ADGRV1: variants seen among roughly 807,000 people sequenced by gnomAD.
The protein encoded by ADGRV1 is adhesion G protein-coupled receptor V1.
A neutral mutation model predicts 596.2 loss-of-function variants in ADGRV1; 359 were observed. That is an observed-to-expected ratio of 0.60 (90% CI 0.55 to 0.66). ADGRV1 has a LOEUF of 0.66. ADGRV1 is among the 30% of genes least tolerant of loss of function. The pLI is 0.00. For synonymous variants in ADGRV1, 2,681 were observed against 2,679.2 expected, an observed-to-expected ratio of 1.00 and a Z score of -0.02; for missense variants, 7,274 against 7,575.6, an observed-to-expected ratio of 0.96 and a Z score of 1.48.
intron 83 of ADGRV1, among the ~76,000 whole-genome samples, chr5:90,933,588 G>C (rs919148314): frequency 6.6e-6 from 1 of 152,188 alleles, no homozygotes; most frequent in African/African-American, 2.4e-5. Context: ...AAAGTCACTG[G>C]CAGGGTTTGT....
intron 33 of ADGRV1, among the ~76,000 whole-genome samples, chr5:90,696,388 G>A (rs1410900720): frequency 6.6e-6 from 1 of 151,986 alleles, no homozygotes; most frequent in Non-Finnish European, 1.5e-5. Flanking sequence ...TCATCTCATC[G>A]AGTTACTCAA....
At chr5:90,770,434 A>G (rs1757571350) in intron 59 of ADGRV1, among the ~76,000 whole-genome samples, 1 of 152,120 alleles carries the variant, frequency 6.6e-6, no homozygotes, top group African/African-American at 2.4e-5. Flanking sequence ...ACTTCTTGTT[A>G]TTTAGGTTCA....
At position 90,705,465 on chromosome 5, in the gene ADGRV1, G is replaced by A; in HGVS notation, c.8452G>A (p.Ala2818Thr). Reference protein sequence around the residue: ...QGYAAVLTVEASDEPHGVLNF... With the variant: ...QGYAAVLTVETSDEPHGVLNF... ...ATATGCAGCTGTCCTCACAGTAGAA[G>A]CCAGTGATGAACCACATGGAGTTTT... is the stretch of plus-strand genomic sequence containing the variant. Residue 2818 changes from alanine (A) to threonine (T), a missense_variant, in exon 37 of 90, where the codon GCC becomes ACC. Physicochemically the swap from Ala to Thr is moderately conservative, Grantham distance 58. Transcript: ENST00000405460. 2.5e-6 allele frequency: 4 copies of A among 1,613,906 alleles called. No homozygotes were observed. The highest frequency in any genetic ancestry group is 1.3e-5 in the African/African-American group (1 of 75,032).
At chr5:90,721,118 G>C in intron 45 of ADGRV1, 59 bp downstream of exon 45, 2 of 1,457,466 alleles carry the variant, frequency 1.4e-6, no homozygotes, top group South Asian at 2.4e-5. Flanking sequence ...GCATGTATAA[G>C]ATTTATATTT....
chr5:91,073,796 C>G (rs1788601049), intron 86 of ADGRV1, among the ~76,000 whole-genome samples: 1 of 152,170 alleles, frequency 6.6e-6, no homozygotes, highest in Admixed American at 6.5e-5. Context: ...CTATAAGATT[C>G]AAGCAATTCT....
intron 85 of ADGRV1, among the ~76,000 whole-genome samples, chr5:91,035,638 T>G (rs1784796911): frequency 1.3e-5 from 2 of 151,522 alleles, no homozygotes; most frequent in African/African-American, 2.4e-5. Context: ...GAGAAACCAA[T>G]GTAGCTTGGA....
intron 85 of ADGRV1, among the ~76,000 whole-genome samples, chr5:91,053,556 C>T (rs961950390): frequency 1.3e-5 from 2 of 152,018 alleles, no homozygotes; most frequent in South Asian, 2.1e-4. Context: ...AATTTTTGAG[C>T]GTTTCTTTTC....
At chr5:91,100,882 C>T (rs1791318577) in intron 86 of ADGRV1, among the ~76,000 whole-genome samples, 1 of 152,110 alleles carries the variant, frequency 6.6e-6, no homozygotes, top group African/African-American at 2.4e-5. Flanking sequence ...ATCAAATAAA[C>T]TCAAATTTAA....
At chr5:90,927,649 T>C (rs1289193826) in intron 83 of ADGRV1, among the ~76,000 whole-genome samples, 1 of 152,170 alleles carries the variant, frequency 6.6e-6, no homozygotes, top group Non-Finnish European at 1.5e-5. Flanking sequence ...GTTAATGTTG[T>C]TATGTGTGAA....
intron 78 of ADGRV1, among the ~76,000 whole-genome samples, 169 bp downstream of exon 78, chr5:90,841,154 C>G (rs746375414): frequency 2.6e-5 from 4 of 152,080 alleles, no homozygotes; most frequent in Admixed American, 6.5e-5. Context: ...CTGTCCTCTT[C>G]CTTGGATATG....
At chr5:90,813,716 C>T (rs1202864177) in intron 74 of ADGRV1, among the ~76,000 whole-genome samples, 3 of 152,172 alleles carry the variant, frequency 2.0e-5, no homozygotes, top group Non-Finnish European at 4.4e-5. Flanking sequence ...CCTTTACCTG[C>T]AAATGTTGCC....
intron 83 of ADGRV1, among the ~76,000 whole-genome samples, chr5:90,910,280 G>A (rs561275187): frequency 1.3e-5 from 2 of 152,124 alleles, no homozygotes; most frequent in Non-Finnish European, 2.9e-5. Flanking sequence ...AAAAATCAGT[G>A]GTATTTTAAT....
intron 82 of ADGRV1, among the ~76,000 whole-genome samples, chr5:90,859,561 T>C (rs1767347473): frequency 6.6e-6 from 1 of 152,038 alleles, no homozygotes; most frequent in Admixed American, 6.6e-5. Flanking sequence ...GCCTCCTGGG[T>C]AGCTGGGATT....
chr5:90,692,432 C>T (rs1183976999), intron 31 of ADGRV1, among the ~76,000 whole-genome samples, 173 bp from the exon 32 acceptor site: 2 of 152,058 alleles, frequency 1.3e-5, no homozygotes, highest in African/African-American at 4.8e-5. Flanking sequence ...ATGGGTTATT[C>T]TGTTACATGC....
At chr5:90,789,572 A>G (rs1759848090) in intron 68 of ADGRV1, 130 bp from the exon 69 acceptor site, 4 of 522,356 alleles carry the variant, frequency 7.7e-6, no homozygotes, top group Admixed American at 3.6e-5. Context: ...GTAGCTAAGT[A>G]GAGTATATTC....
chr5:90,895,992 G>A (rs1771274213), intron 83 of ADGRV1, among the ~76,000 whole-genome samples: 2 of 151,652 alleles, frequency 1.3e-5, no homozygotes, highest in Admixed American at 6.6e-5. Flanking sequence ...GAGGGCCAAT[G>A]GGGGTGCAGA....
At chr5:90,794,936 A>G (rs1039859513) in intron 70 of ADGRV1, among the ~76,000 whole-genome samples, 1 of 151,988 alleles carries the variant, frequency 6.6e-6, no homozygotes, top group Admixed American at 6.6e-5. Flanking sequence ...CTGAAGAACC[A>G]TGCATTCTGG....
chr5:90,860,713 G>T (rs1186558138), intron 82 of ADGRV1, among the ~76,000 whole-genome samples: 4 of 146,918 alleles, frequency 2.7e-5, no homozygotes, highest in Non-Finnish European at 4.5e-5. Flanking sequence ...AATACATTAG[G>T]TGGTATAATA....
intron 74 of ADGRV1, among the ~76,000 whole-genome samples, chr5:90,812,401 T>C (rs1043580730): frequency 2.6e-5 from 4 of 152,250 alleles, no homozygotes; most frequent in African/African-American, 9.6e-5. Flanking sequence ...ATGTTATGAT[T>C]ATAAATGCAG....
Sources: allele counts gnomAD v4.1 joint callset (sites outside exome capture counted in the v4.1 genomes callset), GRCh38; gene constraint gnomAD v4.1.1; transcripts MANE v1.5; gene names NCBI Gene and HGNC (gene_info 2026-07-23, HGNC 2026-07-21).